The following ENOX1 variants were observed in gnomAD, a reference collection of about 807,000 sequenced individuals.
ENOX1 encodes the protein candidate growth-related and time keeping constitutive hydroquinone (NADH) oxidase.
ENOX1 carries 42 observed loss-of-function variants against 82.5 expected under a neutral mutation model. The ratio of observed to expected loss-of-function variants is 0.51; its 90% CI spans 0.40 to 0.66. ENOX1 has a LOEUF of 0.66. Ranked by LOEUF, ENOX1 falls within the 30% of genes least tolerant of loss-of-function variation. The pLI, the probability that ENOX1 is intolerant of heterozygous loss-of-function variation, is 0.00. For missense variants in ENOX1, 608 were observed against 811.6 expected, an observed-to-expected ratio of 0.75 and a Z score of 3.05; for synonymous variants, 271 against 282.2, an observed-to-expected ratio of 0.96 and a Z score of 0.40.
At chr13:43,308,214 G>A (rs1381586026) in intron 11 of ENOX1, among the ~76,000 whole-genome samples, 2 of 152,082 alleles carry the variant, frequency 1.3e-5, no homozygotes, top group Non-Finnish European at 1.5e-5. Context: ...AAATGTGCCC[G>A]ACACAGACCT....
intron 2 of ENOX1, among the ~76,000 whole-genome samples, chr13:43,570,446 G>A (rs1219616486): frequency 2.0e-5 from 3 of 152,168 alleles, no homozygotes; most frequent in Non-Finnish European, 4.4e-5. Flanking sequence ...GTGGATAGAT[G>A]AAGACTGGGA....
chr13:43,378,514 A>G (rs1451243985), intron 5 of ENOX1, among the ~76,000 whole-genome samples: 1 of 152,226 alleles, frequency 6.6e-6, no homozygotes, highest in East Asian at 1.9e-4. Flanking sequence ...AGATTACAAA[A>G]GACTATTCTC....
intron 14 of ENOX1, among the ~76,000 whole-genome samples, chr13:43,240,886 C>T (rs1479627914): frequency 6.6e-6 from 1 of 152,190 alleles, no homozygotes; most frequent in Non-Finnish European, 1.5e-5. Context: ...GGCTTGCTTA[C>T]ACTTGATATA....
At chr13:43,364,396 G>T (rs1295074479) in intron 5 of ENOX1, among the ~76,000 whole-genome samples, 4 of 152,150 alleles carry the variant, frequency 2.6e-5, no homozygotes, top group African/African-American at 9.7e-5. Context: ...TATCACAACT[G>T]TACTGAAATG....
chr13:43,242,337 G>A (rs1244286187), intron 14 of ENOX1, among the ~76,000 whole-genome samples: 2 of 152,226 alleles, frequency 1.3e-5, no homozygotes, highest in Non-Finnish European at 2.9e-5. Context: ...CCCAGTGAAT[G>A]TAAAGAAGAG....
intron 5 of ENOX1, among the ~76,000 whole-genome samples, chr13:43,376,555 A>G (rs1489467571): frequency 3.3e-5 from 5 of 152,226 alleles, no homozygotes; most frequent in Non-Finnish European, 7.3e-5. Flanking sequence ...AATTAAAGTG[A>G]CAAAAAAGTA....
chr13:43,350,116 A>G (rs960539432), intron 8 of ENOX1, among the ~76,000 whole-genome samples: 4 of 152,222 alleles, frequency 2.6e-5, no homozygotes, highest in Non-Finnish European at 5.9e-5. Flanking sequence ...AACAATACAA[A>G]TAATTCGTCT....
At chr13:43,534,376 C>T (rs1343349574) in intron 2 of ENOX1, among the ~76,000 whole-genome samples, 3 of 152,078 alleles carry the variant, frequency 2.0e-5, no homozygotes, top group African/African-American at 7.2e-5. Flanking sequence ...TTTCCTCTCC[C>T]AGAATAGTTC....
At chr13:43,433,038 G>T (rs1021182171) in intron 3 of ENOX1, among the ~76,000 whole-genome samples, 1 of 152,072 alleles carries the variant, frequency 6.6e-6, no homozygotes, top group Non-Finnish European at 1.5e-5. Flanking sequence ...CTGAGGTCTG[G>T]GGCTATCTCT....
chr13:43,534,253 T>G (rs1316073583), intron 2 of ENOX1, among the ~76,000 whole-genome samples: 2 of 152,106 alleles, frequency 1.3e-5, no homozygotes, highest in Admixed American at 6.6e-5. Flanking sequence ...CTAGGATAAC[T>G]GCACCTGGGC....
chr13:43,442,525 G>A (rs752415391), intron 3 of ENOX1, among the ~76,000 whole-genome samples: 22 of 152,154 alleles, frequency 1.4e-4, no homozygotes, highest in Admixed American at 1.4e-3. Context: ...AAATACCAAT[G>A]ACAATATCCC....
intron 5 of ENOX1, among the ~76,000 whole-genome samples, chr13:43,406,850 G>A (rs985883698): frequency 6.6e-6 from 1 of 152,126 alleles, no homozygotes; most frequent in African/African-American, 2.4e-5. Context: ...ATGCTAAGAA[G>A]CTTGGAGTAA....
chr13:43,502,311 A>G (rs2077010056), intron 2 of ENOX1, among the ~76,000 whole-genome samples: 1 of 151,674 alleles, frequency 6.6e-6, no homozygotes, highest in Non-Finnish European at 1.5e-5. Flanking sequence ...ATGAATGCCA[A>G]TATTCTTAAA....
chr13:43,709,761 GA>G (rs2087563204), intron 1 of ENOX1, among the ~76,000 whole-genome samples: 1 of 152,246 alleles, frequency 6.6e-6, no homozygotes, highest in Admixed American at 6.5e-5. Context: ...ATTTTTAAAT[GA>G]GAAAAGAATA....
chr13:43,241,097 T>C (rs2042804792), intron 14 of ENOX1, among the ~76,000 whole-genome samples: 1 of 152,160 alleles, frequency 6.6e-6, no homozygotes. Context: ...CTTATCTTTT[T>C]AGTAATTGGG....
chr13:43,325,750 T>C (rs1280409662), intron 10 of ENOX1, among the ~76,000 whole-genome samples: 1 of 152,166 alleles, frequency 6.6e-6, no homozygotes. Context: ...GTTCAAAGCG[T>C]ACACTACTCT....
intron 2 of ENOX1, among the ~76,000 whole-genome samples, chr13:43,581,353 C>T (rs181318437): frequency 0.012 from 1,881 of 151,452 alleles, 33 homozygotes; most frequent in African/African-American, 0.043. Context: ...GGGATGGTCT[C>T]GATCTCCTGA....
intron 2 of ENOX1, among the ~76,000 whole-genome samples, chr13:43,622,924 G>T (rs115226084): frequency 0.032 from 4,829 of 152,166 alleles, 243 homozygotes; most frequent in African/African-American, 0.11. Flanking sequence ...CCTTGGGAGG[G>T]TCTTGCTGAG....
chr13:43,635,104 G>A (rs1262519829), intron 2 of ENOX1, among the ~76,000 whole-genome samples: 1 of 152,128 alleles, frequency 6.6e-6, no homozygotes, highest in Non-Finnish European at 1.5e-5. Flanking sequence ...AACGAACACA[G>A]AAAGCCTGAA....
Sources: gnomAD v4.1 joint callset for allele counts (sites outside exome capture counted in the v4.1 genomes callset) on GRCh38, gnomAD v4.1.1 for gene constraint, MANE v1.5 for transcripts, NCBI Gene and HGNC (gene_info 2026-07-23, HGNC 2026-07-21) for gene names.